MTHFD1L: variants seen among roughly 807,000 people sequenced by gnomAD.
MTHFD1L encodes methylenetetrahydrofolate dehydrogenase (NADP+ dependent) 1 like, also known as monofunctional C1-tetrahydrofolate synthase, mitochondrial.
MTHFD1L carries 81 observed loss-of-function variants against 119.5 expected under a neutral mutation model. The observed-to-expected ratio is 0.68, with a 90% confidence interval of 0.57 to 0.82. The LOEUF is 0.82. Ranked by LOEUF, MTHFD1L falls within the 40% of genes least tolerant of loss-of-function variation. The probability of loss-of-function intolerance (pLI) is 0.00; values close to 1 mark genes in which losing one functional copy is unlikely to be tolerated. For synonymous variants in MTHFD1L, 430 were observed against 475.2 expected (o/e 0.90, Z 1.24); for missense variants, 1,125 against 1,253.4 (o/e 0.90, Z 1.55).
rs376589901 is a variant in MTHFD1L at position 150,907,620 on chromosome 6, GCCTCAAGA to G, written c.892+1861_892+1868del. On this transcript the variant is annotated intron_variant, in intron 8 of 27. Coordinates refer to ENST00000367321, the MANE Select transcript of MTHFD1L (RefSeq NM_015440.5). ...CGATTTGCTGTCACTGCTGCCCAGCGCCTCAAGACAGCCTTGTTCTTTGTATAGCTGGC... is the reference window on the plus strand; with the variant it reads ...CGATTTGCTGTCACTGCTGCCCAGCGCAGCCTTGTTCTTTGTATAGCTGGC... Among the ~76,000 whole-genome samples the G allele has an allele frequency of 3.3e-3, 507 of 152,258 alleles. 1 individual carries two copies. The highest frequency in any genetic ancestry group is 0.012 in the African/African-American group (478 of 41,560).
At chr6:150,891,727 G>A (rs1458116000) in intron 7 of MTHFD1L, among the ~76,000 whole-genome samples, 1 of 151,996 alleles carries the variant, frequency 6.6e-6, no homozygotes, top group African/African-American at 2.4e-5. Flanking sequence ...CTGGGCAATA[G>A]GTGTTGTCTA....
At chr6:150,995,254 G>A (rs921337378) in intron 20 of MTHFD1L, among the ~76,000 whole-genome samples, 2 of 152,126 alleles carry the variant, frequency 1.3e-5, no homozygotes, top group South Asian at 2.1e-4. Context: ...GGTGGCTCAC[G>A]CCTGTATCCC....
chr6:151,037,801 T>C (rs2128542213), intron 26 of MTHFD1L, among the ~76,000 whole-genome samples: 1 of 152,348 alleles, frequency 6.6e-6, no homozygotes, highest in South Asian at 2.1e-4. Context: ...GTACCGTCAG[T>C]GGCCTAAATT....
chr6:150,914,486 CG>C (rs1787508652), intron 8 of MTHFD1L, among the ~76,000 whole-genome samples: 1 of 151,924 alleles, frequency 6.6e-6, no homozygotes, highest in Non-Finnish European at 1.5e-5. Flanking sequence ...AGTGAGACCC[CG>C]TCTCTATAAA....
chr6:150,927,977 A>G (rs1322730459), intron 11 of MTHFD1L, among the ~76,000 whole-genome samples: 1 of 152,030 alleles, frequency 6.6e-6, no homozygotes, highest in Non-Finnish European at 1.5e-5. Flanking sequence ...TACTTGACCA[A>G]TTTTCTATTG....
At chr6:150,918,692 G>C (rs1265680417) in intron 9 of MTHFD1L, 24 bp downstream of exon 9, 1 of 1,590,054 alleles carries the variant, frequency 6.3e-7, no homozygotes, top group Non-Finnish European at 8.6e-7. Context: ...AGCTGTCTGA[G>C]AATCTTGAGT....
At chr6:151,100,207 T>C (rs1795259672) in intron 27 of MTHFD1L, among the ~76,000 whole-genome samples, 1 of 152,034 alleles carries the variant, frequency 6.6e-6, no homozygotes. Context: ...CTAATTTTTT[T>C]GTATTTTTTT....
At chr6:151,048,089 C>T (rs1313482906) in intron 26 of MTHFD1L, among the ~76,000 whole-genome samples, 1 of 152,134 alleles carries the variant, frequency 6.6e-6, no homozygotes, top group African/African-American at 2.4e-5. Flanking sequence ...ATGATCCAGT[C>T]ACCTCCCACC....
chr6:150,958,670 C>T (rs1031127369), intron 17 of MTHFD1L, among the ~76,000 whole-genome samples: 1 of 152,002 alleles, frequency 6.6e-6, no homozygotes, highest in Admixed American at 6.6e-5. Context: ...TACTATATAC[C>T]TAAAAAAATG....
rs537961704 is a variant in MTHFD1L at position 150,891,883 on chromosome 6, T to C, written c.780+3902T>C. Among the ~76,000 whole-genome samples the C allele has an allele frequency of 2.6e-5, 4 of 152,338 alleles. No individual in the cohort carries two copies. In the South Asian group the frequency reaches 8.3e-4, roughly 32 times the overall value. On this transcript the variant is annotated intron_variant, in intron 7 of 27. Coordinates refer to ENST00000367321, the MANE Select transcript of MTHFD1L (RefSeq NM_015440.5). The stretch of plus-strand genomic sequence containing the variant: ...CAATCAGTAACTACAGAATGTGATC[T>C]AAAAATACATGTTCCTCATGTTGCA...
intron 1 of MTHFD1L, among the ~76,000 whole-genome samples, chr6:150,873,884 G>T (rs1368470643): frequency 6.6e-6 from 1 of 152,114 alleles, no homozygotes; most frequent in Non-Finnish European, 1.5e-5. Flanking sequence ...TGGCCAGGAT[G>T]GTCTCAAACT....
chr6:150,893,516 C>T (rs1417607845), intron 7 of MTHFD1L, among the ~76,000 whole-genome samples: 2 of 152,120 alleles, frequency 1.3e-5, no homozygotes, highest in South Asian at 2.1e-4. Flanking sequence ...AGTAGAAGGA[C>T]GTTATCTTTG....
At chr6:150,871,045 TTATAA>T (rs1028218353) in intron 1 of MTHFD1L, among the ~76,000 whole-genome samples, 9 of 145,102 alleles carry the variant, frequency 6.2e-5, no homozygotes, top group African/African-American at 1.0e-4. Context: ...TATATATACC[TTATAA>T]TATATATACC....
At chr6:151,032,716 A>G (rs1009130753) in intron 24 of MTHFD1L, among the ~76,000 whole-genome samples, 2 of 152,100 alleles carry the variant, frequency 1.3e-5, no homozygotes, top group African/African-American at 4.8e-5. Context: ...TGAGCAAACT[A>G]TTTTCCTCCA....
intron 26 of MTHFD1L, among the ~76,000 whole-genome samples, chr6:151,058,353 T>C (rs1172887409): frequency 6.6e-6 from 1 of 152,184 alleles, no homozygotes; most frequent in Non-Finnish European, 1.5e-5. Flanking sequence ...TCGGGCTCTG[T>C]CACATCCGTT....
chr6:151,092,163 T>C (rs1211238043), intron 26 of MTHFD1L, among the ~76,000 whole-genome samples: 2 of 152,134 alleles, frequency 1.3e-5, no homozygotes, highest in African/African-American at 4.8e-5. Context: ...GCGTTCAGCA[T>C]GAAGATTTTA....
intron 20 of MTHFD1L, among the ~76,000 whole-genome samples, chr6:150,981,237 G>A (rs906155143): frequency 1.3e-5 from 2 of 152,066 alleles, no homozygotes; most frequent in African/African-American, 2.4e-5. Flanking sequence ...ATTTTCACAC[G>A]ATTTTTGCAT....
rs1377270100 is a variant in MTHFD1L at position 150,916,467 on chromosome 6, A to ATTTTTTTT, written c.893-2085_893-2078dup. ...AGGTGTGCACCACCACGCCCAGCTA[A>ATTTTTTTT]TTTTTTTTTTTTTTTTTTTTTTTTT... On this transcript the variant is annotated intron_variant, in intron 8 of 27. Transcript: ENST00000367321. Among the ~76,000 whole-genome samples the ATTTTTTTT allele has an allele frequency of 3.9e-3, 151 of 38,888 alleles. 8 individuals are homozygous for ATTTTTTTT. Among genetic ancestry groups the ATTTTTTTT allele is most frequent in the East Asian group, 0.015 (8 of 520 alleles). The allele number at this position is 38,888 out of a possible 152,430, so 25.5% of individuals were successfully genotyped here.
At chr6:151,009,109 C>T (rs1213352792) in intron 20 of MTHFD1L, among the ~76,000 whole-genome samples, 9 of 115,512 alleles carry the variant, frequency 7.8e-5, no homozygotes, top group African/African-American at 1.1e-4. Flanking sequence ...GGGACAAGAG[C>T]GAAACTCCAT....
Sources: allele counts gnomAD v4.1 joint callset (sites outside exome capture counted in the v4.1 genomes callset), GRCh38; gene constraint gnomAD v4.1.1; transcripts MANE v1.5; gene names NCBI Gene and HGNC (gene_info 2026-07-23, HGNC 2026-07-21).